KCTD1: variants seen among roughly 807,000 people sequenced by gnomAD.
KCTD1 encodes the protein BTB/POZ domain-containing protein KCTD1.
A neutral mutation model predicts 66.0 loss-of-function variants in KCTD1; 24 were observed. The observed-to-expected ratio is 0.36, with a 90% CI of 0.26 to 0.51. KCTD1 has a LOEUF of 0.51. Among genes scored for constraint, KCTD1 ranks in the 20% least tolerant of loss-of-function variants. KCTD1 has a pLI of 0.95. For synonymous variants in KCTD1, 511 were observed against 517.2 expected, an observed-to-expected ratio of 0.99 and a Z score of 0.16; for missense variants, 943 against 1,205.2, an observed-to-expected ratio of 0.78 and a Z score of 3.22.
chr18:26,614,579 T>C (rs371419697), intron 1 of KCTD1, among the ~76,000 whole-genome samples: 4 of 152,234 alleles, frequency 2.6e-5, no homozygotes, highest in East Asian at 3.9e-4. Context: ...ACAGAATGCT[T>C]TGGACCCAGC....
chr18:26,606,318 C>T (rs1987014622), intron 1 of KCTD1, among the ~76,000 whole-genome samples: 1 of 152,142 alleles, frequency 6.6e-6, no homozygotes, highest in Non-Finnish European at 1.5e-5. Flanking sequence ...CTGCCCCTTC[C>T]CATCATGGCT....
chr18:26,471,252 G>A (rs1981044846), intron 3 of KCTD1, among the ~76,000 whole-genome samples: 2 of 151,824 alleles, frequency 1.3e-5, no homozygotes, highest in East Asian at 1.9e-4. Flanking sequence ...TGGTGATGAC[G>A]CTTCTGTAAT....
At chr18:26,499,545 G>A (rs1379533633) in intron 2 of KCTD1, among the ~76,000 whole-genome samples, 1 of 152,130 alleles carries the variant, frequency 6.6e-6, no homozygotes, top group Non-Finnish European at 1.5e-5. Context: ...AATTAAATCT[G>A]GAAATTAAGA....
At chr18:26,510,385 A>G (rs1983272176) in intron 1 of KCTD1, among the ~76,000 whole-genome samples, 1 of 152,218 alleles carries the variant, frequency 6.6e-6, no homozygotes. Flanking sequence ...GGGTGCTTCA[A>G]AGTTGTTTCA....
At chr18:26,627,871 AG>A (rs2145033513) in intron 1 of KCTD1, among the ~76,000 whole-genome samples, 1 of 152,318 alleles carries the variant, frequency 6.6e-6, no homozygotes, top group South Asian at 2.1e-4. Context: ...TTATCCATAA[AG>A]GAAGAATCCA....
At chr18:26,617,290 G>A (rs1163633066) in intron 1 of KCTD1, among the ~76,000 whole-genome samples, 4 of 152,156 alleles carry the variant, frequency 2.6e-5, no homozygotes, top group African/African-American at 9.7e-5. Flanking sequence ...CAGGGTCAAG[G>A]AACAGGCATT....
At chr18:26,465,281 G>A (rs924792955) in intron 3 of KCTD1, among the ~76,000 whole-genome samples, 12 of 152,070 alleles carry the variant, frequency 7.9e-5, no homozygotes, top group African/African-American at 2.7e-4. Flanking sequence ...ATGGGGTTTC[G>A]CCATGTTGGC....
chr18:26,548,627 ACC>A (rs1985398550), upstream of KCTD1: 1 of 1,141,222 alleles, frequency 8.8e-7, no homozygotes, highest in Non-Finnish European at 1.1e-6. Flanking sequence ...ACCTTCAGCT[ACC>A]GGGAGGCAAA....
intron 1 of KCTD1, among the ~76,000 whole-genome samples, chr18:26,617,140 T>A (rs892916084): frequency 6.6e-6 from 1 of 152,210 alleles, no homozygotes; most frequent in Non-Finnish European, 1.5e-5. Flanking sequence ...ACTTAACACC[T>A]ATGAACCTGT....
At chr18:26,501,635 C>T (rs1255137043) in intron 1 of KCTD1, among the ~76,000 whole-genome samples, 5 of 152,196 alleles carry the variant, frequency 3.3e-5, no homozygotes, top group South Asian at 2.1e-4. Context: ...AAATAAAATG[C>T]GTATGAGTTA....
chr18:26,589,645 T>C (rs1330984656), intron 1 of KCTD1, among the ~76,000 whole-genome samples: 1 of 152,196 alleles, frequency 6.6e-6, no homozygotes. Context: ...TCTCCTTTCT[T>C]TCTTGCTAAC....
intron 1 of KCTD1, chr18:26,600,419 A>T: frequency 1.3e-6 from 1 of 762,810 alleles, no homozygotes; most frequent in Non-Finnish European, 2.3e-6. Context: ...GTCTCCTCCC[A>T]CCTCCTCTGG....
chr18:26,501,286 C>T (rs1278061896), intron 1 of KCTD1, 36 bp from the exon 2 acceptor site: 1 of 1,567,018 alleles, frequency 6.4e-7, no homozygotes, highest in South Asian at 1.2e-5. Context: ...TACTTTTTCT[C>T]TTTACAGTAG....
intron 2 of KCTD1, among the ~76,000 whole-genome samples, chr18:26,500,262 A>T (rs545517304): frequency 8.6e-4 from 119 of 138,408 alleles, no homozygotes; most frequent in African/African-American, 3.0e-3. Flanking sequence ...CAAAAAATTT[A>T]AAAAAAAAAA....
chr18:26,488,666 G>T (rs1489868396), intron 2 of KCTD1, among the ~76,000 whole-genome samples: 1 of 152,144 alleles, frequency 6.6e-6, no homozygotes, highest in Non-Finnish European at 1.5e-5. Flanking sequence ...GAAAGTGGTG[G>T]TTAGCTGTTA....
intron 1 of KCTD1, among the ~76,000 whole-genome samples, chr18:26,637,259 G>A (rs920308): frequency 0.18 from 28,073 of 152,088 alleles, 2,649 homozygotes; most frequent in Non-Finnish European, 0.21. Flanking sequence ...TTCTGATTAG[G>A]TGCCTCCCAT....
intron 1 of KCTD1, among the ~76,000 whole-genome samples, chr18:26,656,230 G>T (rs1218020984): frequency 6.6e-6 from 1 of 152,066 alleles, no homozygotes; most frequent in African/African-American, 2.4e-5. Flanking sequence ...TCCTGACTTG[G>T]CGCTGACCGC....
At chr18:26,524,591 A>C (rs921931986) in intron 1 of KCTD1, among the ~76,000 whole-genome samples, 3 of 151,930 alleles carry the variant, frequency 2.0e-5, no homozygotes, top group Non-Finnish European at 4.4e-5. Flanking sequence ...TTTTTCCCTA[A>C]CCTTTAAGGA....
rs1407616011 is a variant in KCTD1, at chr18:26,476,858, T to C, written c.1989-199A>G. 9 of 518,132 alleles carry C rather than the reference T, an allele frequency of 1.7e-5. No individual in the cohort carries two copies. The highest frequency in any genetic ancestry group is 3.0e-4 in the Middle Eastern group (1 of 3,328). The allele number at this position is 518,132 out of a possible 1,614,324, so 32.1% of individuals were successfully genotyped here. The stretch of plus-strand genomic sequence containing the variant: ...CCATTCAAAATAGTCCTAGGCTTTG[T>C]CAAATGAATTCTTTTATTCACTGTC... On this transcript the variant is annotated intron_variant, in intron 2 of 4. Coordinates refer to ENST00000580059, the MANE Select transcript of KCTD1 (RefSeq NM_001142730.3). The surrounding 1 kb of genome is among the most constrained non-coding windows in gnomAD (Gnocchi z 4.9).
Sources: allele counts gnomAD v4.1 joint callset (sites outside exome capture counted in the v4.1 genomes callset), GRCh38; gene constraint gnomAD v4.1.1; non-coding constraint Gnocchi (gnomAD v3.1); transcripts MANE v1.5; gene names NCBI Gene and HGNC (gene_info 2026-07-23, HGNC 2026-07-21).